EPB41: variants seen among roughly 807,000 people sequenced by gnomAD.
EPB41 encodes the protein protein 4.1.
Under a neutral mutation model 108.0 loss-of-function variants are expected in EPB41, and 65 were observed. That is an observed-to-expected ratio of 0.60 (90% CI 0.49 to 0.74). The LOEUF is 0.74. Ranked by LOEUF, EPB41 falls within the 30% of genes least tolerant of loss-of-function variation. The pLI, the probability that EPB41 is intolerant of heterozygous loss-of-function variation, is 0.00. For missense variants in EPB41, 875 were observed against 1,037.0 expected (o/e 0.84, Z 2.15); for synonymous variants, 336 against 358.9 (o/e 0.94, Z 0.72).
At chr1:29,027,886 G>A (rs913402364) in intron 7 of EPB41, among the ~76,000 whole-genome samples, 4 of 151,938 alleles carry the variant, frequency 2.6e-5, no homozygotes, top group African/African-American at 4.8e-5. Flanking sequence ...GTGCAATGAC[G>A]CAATCTCGGC....
chr1:29,069,665 A>G (rs1650289068), intron 16 of EPB41: 1 of 169,858 alleles, frequency 5.9e-6, no homozygotes, highest in Non-Finnish European at 1.2e-5. Context: ...TTATATTTGT[A>G]ATAAAAGTAA....
chr1:29,067,616 G>A (rs960483053), intron 16 of EPB41, among the ~76,000 whole-genome samples: 9 of 147,852 alleles, frequency 6.1e-5, no homozygotes, highest in Middle Eastern at 3.3e-3. Context: ...GCAGTGAGCC[G>A]AGATCGCGCC....
At chr1:28,986,883 C>T (rs1479353365) in intron 1 of EPB41, among the ~76,000 whole-genome samples, 1 of 152,154 alleles carries the variant, frequency 6.6e-6, no homozygotes, top group Non-Finnish European at 1.5e-5. Context: ...TTGCTGTTAT[C>T]CAGTCTTACA....
rs565114352 is a variant in EPB41, at chr1:29,027,080, G to A, written c.1125-3320G>A. 3.8e-3 allele frequency among the ~76,000 whole-genome samples: 572 copies of A among 150,094 alleles called. 5 individuals carry two copies. Among genetic ancestry groups the A allele is most frequent in the African/African-American group, 0.013 (528 of 40,876 alleles). On this transcript the variant is annotated intron_variant, in intron 7 of 20. Coordinates refer to ENST00000343067, the MANE Select transcript of EPB41 (RefSeq NM_001376013.1). ...GCACTCCAGCCTGGGCAACGGAGTG[G>A]GACTCCATCTCAAAAAAAAAAAAAA...
intron 19 of EPB41, among the ~76,000 whole-genome samples, chr1:29,114,376 C>G (rs1028314396): frequency 2.6e-5 from 4 of 152,218 alleles, no homozygotes; most frequent in Admixed American, 2.6e-4. Context: ...GGTGCGTTGG[C>G]TCACGCCTAT....
chr1:29,086,752 A>G (rs1659104963), intron 16 of EPB41, among the ~76,000 whole-genome samples: 1 of 152,062 alleles, frequency 6.6e-6, no homozygotes, highest in Non-Finnish European at 1.5e-5. Flanking sequence ...TTGTTTTTCT[A>G]TTGCCACTAA....
intron 1 of EPB41, among the ~76,000 whole-genome samples, chr1:28,973,462 T>A (rs866989656): frequency 2.0e-5 from 3 of 152,132 alleles, no homozygotes; most frequent in Non-Finnish European, 4.4e-5. Flanking sequence ...CAGTCATAGC[T>A]CACTGGAGCC....
chr1:28,887,352 G>A lies in EPB41; in HGVS notation c.-8+142G>A, dbSNP rs2089532512. 2 of 1,150,200 alleles carry A rather than the reference G, an allele frequency of 1.7e-6. No individual in the cohort carries two copies. The highest frequency in any genetic ancestry group is 4.3e-5 in the Admixed American group (1 of 23,512). 71.2% of individuals were successfully genotyped at this position (1,150,200 alleles called of 1,614,324 possible). A position where few individuals can be genotyped will look rare whatever the true frequency, so the allele number is the denominator to read the frequency against. ...AGGGTCCAGGGCTGAGGGGTCCAGC[G>A]GTCCCGAATTCCAGAATCCGAACTT... On this transcript the variant is annotated intron_variant, in intron 1 of 16. Coordinates refer to the EPB41 transcript ENST00000347529. This position sits in a 1 kb window ranked among gnomAD's most constrained non-coding sequence, Gnocchi z 4.9.
intron 1 of EPB41, among the ~76,000 whole-genome samples, chr1:28,929,542 T>G (rs1393654180): frequency 1.3e-5 from 2 of 149,960 alleles, no homozygotes; most frequent in South Asian, 2.1e-4. Flanking sequence ...TTTTTACTAT[T>G]TTTTTTGAGA....
intron 16 of EPB41, among the ~76,000 whole-genome samples, chr1:29,079,591 G>T (rs890422534): frequency 5.3e-5 from 8 of 149,848 alleles, no homozygotes; most frequent in Non-Finnish European, 1.2e-4. Context: ...TTGTATTTTT[G>T]GTGGAGATGG....
intron 1 of EPB41, among the ~76,000 whole-genome samples, chr1:28,945,513 A>C (rs1240077272): frequency 6.6e-6 from 1 of 152,212 alleles, no homozygotes; most frequent in East Asian, 1.9e-4. Context: ...AATAGTGTTA[A>C]ATGTAACTTT....
Position 28,887,494 on chromosome 1 carries a change from C to T in EPB41, c.-8+284C>T. ...CTAGACACGTCCGGGTCCGGCCGGT[C>T]CTGGCTGTCTGGGGCGGGGGTCCTG... On this transcript the variant is annotated intron_variant, in intron 1 of 16. Transcript: ENST00000347529. The surrounding 1 kb of genome is among the most constrained non-coding windows in gnomAD (Gnocchi z 4.9). The T allele has an allele frequency of 1.0e-6, 1 of 985,212 alleles. No individual in the cohort carries two copies. The highest frequency in any genetic ancestry group is 1.2e-6 in the Non-Finnish European group (1 of 829,830). 61.0% of individuals were successfully genotyped at this position (985,212 alleles called of 1,614,324 possible).
At chr1:28,965,382 T>C (rs1173201383) in intron 1 of EPB41, among the ~76,000 whole-genome samples, 4 of 152,168 alleles carry the variant, frequency 2.6e-5, no homozygotes, top group African/African-American at 9.7e-5. Context: ...ATTTTTTTTT[T>C]AGAACTTTTT....
chr1:28,959,815 CT>C lies in EPB41; in HGVS notation c.-7-27610del, dbSNP rs144516814. Among the ~76,000 whole-genome samples the C allele has an allele frequency of 3.2e-4, 48 of 151,436 alleles. No homozygotes were observed. The East Asian group carries it at 8.3e-3, about 26-fold the overall frequency. ...TGGGAGCTATGTTCTTCCTTGCTCT[CT>C]TTTTTCTTTAGTTTTCTTTTCTTTT... On this transcript the variant is annotated intron_variant, in intron 1 of 20. Coordinates refer to ENST00000343067, the MANE Select transcript of EPB41 (RefSeq NM_001376013.1).
At chr1:28,955,417 C>A (rs917983395) in intron 1 of EPB41, among the ~76,000 whole-genome samples, 4 of 152,022 alleles carry the variant, frequency 2.6e-5, no homozygotes, top group African/African-American at 9.7e-5. Context: ...TCTCCACTCG[C>A]TGCAACCTCT....
intron 4 of EPB41, among the ~76,000 whole-genome samples, chr1:28,998,373 G>A (rs988387131): frequency 6.6e-6 from 1 of 152,202 alleles, no homozygotes; most frequent in African/African-American, 2.4e-5. Flanking sequence ...TATACGTCCA[G>A]GTTGCGGGGT....
At chr1:29,109,472 AG>A (rs1020337818) in intron 18 of EPB41, 35 bp downstream of exon 18, 3 of 1,578,750 alleles carry the variant, frequency 1.9e-6, no homozygotes, top group African/African-American at 2.7e-5. Flanking sequence ...TATGGAACCC[AG>A]GGGCAGGCTA....
chr1:29,041,657 A>C (rs1055635363), intron 11 of EPB41, among the ~76,000 whole-genome samples: 2 of 152,148 alleles, frequency 1.3e-5, no homozygotes, highest in Non-Finnish European at 2.9e-5. Flanking sequence ...CAAAAAAAAA[A>C]AAGAAGCTCA....
chr1:28,898,024 G>C (rs1179717594), intron 1 of EPB41, among the ~76,000 whole-genome samples: 1 of 152,140 alleles, frequency 6.6e-6, no homozygotes, highest in Non-Finnish European at 1.5e-5. Flanking sequence ...GGCAATGGCA[G>C]GAACAACTTT....
Sources: gnomAD v4.1 joint callset for allele counts (sites outside exome capture counted in the v4.1 genomes callset) on GRCh38, gnomAD v4.1.1 for gene constraint, Gnocchi (gnomAD v3.1) non-coding constraint, MANE v1.5 for transcripts, NCBI Gene and HGNC (gene_info 2026-07-23, HGNC 2026-07-21) for gene names.